Variants in OSBPL9 observed in about 807,000 individuals in gnomAD.
OSBPL9 encodes the protein oxysterol-binding protein-related protein 9.
A neutral mutation model predicts 106.6 loss-of-function variants in OSBPL9; 40 were observed. That is an observed-to-expected ratio of 0.38 (90% CI 0.29 to 0.49). The LOEUF (loss-of-function observed/expected upper bound fraction) is 0.49. Among genes scored for constraint, OSBPL9 ranks in the 20% least tolerant of loss-of-function variants. The pLI is 0.97. For missense variants in OSBPL9, 609 were observed against 887.2 expected, an observed-to-expected ratio of 0.69 and a Z score of 3.98; for synonymous variants, 269 against 295.4, an observed-to-expected ratio of 0.91 and a Z score of 0.92.
At chr1:51,598,132 A>G (rs553227275) in exon 2 of OSBPL9, 2 of 152,400 alleles carry the variant, frequency 1.3e-5, no homozygotes, top group South Asian at 4.1e-4. Context: ...AGAAGAAGGA[A>G]CTGAGTCTCT....
chr1:51,761,515 GC>G (rs1193110764), intron 10 of OSBPL9, among the ~76,000 whole-genome samples: 2 of 152,102 alleles, frequency 1.3e-5, no homozygotes, highest in African/African-American at 4.8e-5. Flanking sequence ...ACCTCTTGGG[GC>G]TAAAGAGGAA....
At chr1:51,532,879 G>A in the OSBPL9 span, among the ~76,000 whole-genome samples, 1 of 152,150 alleles carries the variant, frequency 6.6e-6, no homozygotes, top group Non-Finnish European at 1.5e-5. Context: ...TCAGAGAAGT[G>A]TTGGAGTCAG....
chr1:51,696,055 T>C (rs1655954804), intron 3 of OSBPL9, among the ~76,000 whole-genome samples: 1 of 152,216 alleles, frequency 6.6e-6, no homozygotes, highest in Admixed American at 6.5e-5. Context: ...AGCTCTAAAC[T>C]GTTGATCCAA....
chr1:51,719,369 CTCTCTT>C (rs370678691), intron 4 of OSBPL9, among the ~76,000 whole-genome samples: 11 of 152,184 alleles, frequency 7.2e-5, no homozygotes, highest in African/African-American at 2.6e-4. Flanking sequence ...CTTCTTAATC[CTCTCTT>C]TCTTAACCAG....
rs567733374 is a variant in OSBPL9, at chr1:51,617,336, G to C, written c.111+115G>C. ...AGGTTGCTAGTCTGGGGGTGCCGCC[G>C]TACGCGAGGGTTCCCTTGTTGGGGA... is the stretch of plus-strand genomic sequence containing the variant. On this transcript the variant is annotated intron_variant, in intron 1 of 23. Transcript: ENST00000428468. 1,219 of 1,023,846 alleles carry C rather than the reference G, an allele frequency of 1.2e-3. 14 individuals are homozygous for C. The African/African-American group carries it at 0.018, about 15-fold the overall frequency. The allele number at this position is 1,023,846 out of a possible 1,614,324, so 63.4% of individuals were successfully genotyped here.
upstream of OSBPL9, chr1:51,617,076 C>G (rs770898102): frequency 6.7e-7 from 1 of 1,493,748 alleles, no homozygotes; most frequent in Non-Finnish European, 9.0e-7. Context: ...AGGCGAGTGA[C>G]GTCAGGCCGT....
intron 3 of OSBPL9, among the ~76,000 whole-genome samples, chr1:51,684,311 A>G (rs930079944): frequency 3.3e-5 from 5 of 152,088 alleles, no homozygotes; most frequent in Non-Finnish European, 7.4e-5. Context: ...GAGATCTGTT[A>G]TACCACATGG....
chr1:51,757,979 C>T (rs931740858), intron 9 of OSBPL9, among the ~76,000 whole-genome samples: 1 of 152,012 alleles, frequency 6.6e-6, no homozygotes, highest in Non-Finnish European at 1.5e-5. Flanking sequence ...CAGATTAGGG[C>T]TGAGTAGTAT....
chr1:51,546,425 C>T, the OSBPL9 span, among the ~76,000 whole-genome samples: 12 of 151,986 alleles, frequency 7.9e-5, no homozygotes, highest in African/African-American at 1.9e-4. Flanking sequence ...TGGCTGGGCG[C>T]GGTGGCTCAC....
intron 1 of OSBPL9, chr1:51,598,091 AT>A (rs1645311571): frequency 6.6e-6 from 1 of 152,276 alleles, no homozygotes; most frequent in African/African-American, 2.4e-5. Flanking sequence ...AGTTCTCTCA[AT>A]ATAAACAACT....
intron 4 of OSBPL9, among the ~76,000 whole-genome samples, chr1:51,723,180 T>G (rs115915318): frequency 6.6e-6 from 1 of 152,228 alleles, no homozygotes; most frequent in Non-Finnish European, 1.5e-5. Context: ...GTAGTTTACA[T>G]TAGAGTCCAC....
intron 1 of OSBPL9, chr1:51,583,660 A>G (rs747379922): frequency 6.6e-6 from 1 of 152,272 alleles, no homozygotes; most frequent in Non-Finnish European, 1.5e-5. Context: ...AGCATGTCCA[A>G]GTATCCATGA....
the OSBPL9 span, among the ~76,000 whole-genome samples, chr1:51,568,053 AT>A: frequency 6.6e-6 from 1 of 152,252 alleles, no homozygotes; most frequent in Non-Finnish European, 1.5e-5. Flanking sequence ...AACATAAAGT[AT>A]AGTGCTATGC....
intron 3 of OSBPL9, among the ~76,000 whole-genome samples, chr1:51,704,682 A>C (rs1312437642): frequency 2.0e-5 from 3 of 152,266 alleles, no homozygotes; most frequent in South Asian, 4.1e-4. Flanking sequence ...TTATATCCTC[A>C]TGTGTTGGAA....
rs1443616079 is a variant in OSBPL9 at position 51,721,980 on chromosome 1, T to C, written c.318+7901T>C. Among the ~76,000 whole-genome samples the C allele has an allele frequency of 2.0e-5, 3 of 152,252 alleles. No individual in the cohort carries two copies. In the East Asian group the frequency reaches 5.8e-4, roughly 29 times the overall value. The stretch of plus-strand genomic sequence containing the variant: ...ATTGTACTAGTTGTAGAGGATATAA[T>C]TGAATACAACTACATGTAGCCCTTG... On this transcript the variant is annotated intron_variant, in intron 4 of 23. Transcript: ENST00000428468.
At chr1:51,640,810 T>C (rs2148673656) in intron 1 of OSBPL9, among the ~76,000 whole-genome samples, 1 of 152,126 alleles carries the variant, frequency 6.6e-6, no homozygotes, top group Non-Finnish European at 1.5e-5. Flanking sequence ...ATTTTTTTTT[T>C]TTTTTGAAAC....
chr1:51,567,667 T>G, the OSBPL9 span: 1 of 152,328 alleles, frequency 6.6e-6, no homozygotes, highest in East Asian at 1.9e-4. Flanking sequence ...AGTATTTAAT[T>G]TATAAGATTT....
At chr1:51,648,559 A>G (rs1646311527) in intron 1 of OSBPL9, among the ~76,000 whole-genome samples, 1 of 152,160 alleles carries the variant, frequency 6.6e-6, no homozygotes, top group African/African-American at 2.4e-5. Flanking sequence ...AAGCAGTCAC[A>G]CCAGCTTCCC....
At chr1:51,630,681 C>G (rs115266065) in intron 1 of OSBPL9, among the ~76,000 whole-genome samples, 4 of 152,054 alleles carry the variant, frequency 2.6e-5, no homozygotes, top group Non-Finnish European at 5.9e-5. Context: ...ATTTAGGTAA[C>G]GCTAAACTTA....
Sources: allele counts gnomAD v4.1 joint callset (sites outside exome capture counted in the v4.1 genomes callset), GRCh38; gene constraint gnomAD v4.1.1; transcripts MANE v1.5; gene names NCBI Gene and HGNC (gene_info 2026-07-23, HGNC 2026-07-21).